The following SPDYE4 variants were observed in gnomAD, a reference collection of about 807,000 sequenced individuals.
SPDYE4 encodes speedy protein E4.
In SPDYE4, 30 loss-of-function variants were observed where a neutral mutation model predicts 37.5. The observed-to-expected ratio is 0.80, with a 90% CI of 0.60 to 1.09. SPDYE4 has a LOEUF of 1.09. Among genes scored for constraint, SPDYE4 ranks in the 50% least tolerant of loss-of-function variants. The probability of loss-of-function intolerance (pLI) is 0.00; values close to 1 mark genes in which losing one functional copy is unlikely to be tolerated. For synonymous variants in SPDYE4, 131 were observed against 120.3 expected (o/e 1.09, Z -0.58); for missense variants, 300 against 307.9 (o/e 0.97, Z 0.19).
Position 8,758,342 on chromosome 17 carries a change from C to G in SPDYE4, c.41G>C (p.Ser14Thr). The G allele has an allele frequency of 6.4e-7, 1 of 1,551,532 alleles. No homozygotes were observed. The highest frequency in any genetic ancestry group is 2.4e-5 in the East Asian group (1 of 40,898). The change falls in exon 1 of 7, where the codon AGC (serine) becomes ACC (threonine). Residue 14 changes from serine to threonine, a missense_variant. Physicochemically the swap from Ser to Thr is moderately conservative, Grantham distance 58. Coordinates refer to ENST00000689094, the MANE Select transcript of SPDYE4 (RefSeq NM_001394956.1). ...CCGTACCGTTGTGCTAGGCTGGGGG[C>G]TCTCCTCCTCAAACGGGGGGCGCGC... ...GQARPPFEEE[S>T]PQPSTTVRSP...
At chr17:8,756,461 G>A in intron 2 of SPDYE4, 25 bp from the exon 3 acceptor site, 1 of 1,611,834 alleles carries the variant, frequency 6.2e-7, no homozygotes, top group Non-Finnish European at 8.5e-7. Context: ...CCTGTGTCAG[G>A]GTGAGAAGTG....
At chr17:8,752,991 T>G in intron 6 of SPDYE4, 103 bp downstream of exon 6, 1 of 1,026,222 alleles carries the variant, frequency 9.7e-7, no homozygotes, top group South Asian at 1.5e-5. Flanking sequence ...AGACGGGGTG[T>G]CGCCATGTTG....
At chr17:8,748,817 T>C (rs2151143181), downstream of SPDYE4, among the ~76,000 whole-genome samples, 1 of 152,358 alleles carries the variant, frequency 6.6e-6, no homozygotes, top group African/African-American at 2.4e-5. Context: ...CTACTCATCC[T>C]AATACTTTTG....
At chr17:8,749,249 C>T (rs1447244767), downstream of SPDYE4, among the ~76,000 whole-genome samples, 2 of 142,872 alleles carry the variant, frequency 1.4e-5, no homozygotes, top group African/African-American at 5.1e-5. Flanking sequence ...TGCACCACCA[C>T]ACCTGGCTAA....
At chr17:8,749,170 G>T (rs2086710110), downstream of SPDYE4, among the ~76,000 whole-genome samples, 1 of 148,774 alleles carries the variant, frequency 6.7e-6, no homozygotes, top group African/African-American at 2.5e-5. Context: ...CACGGCTCAT[G>T]CAGCCTCGAC....
chr17:8,752,787 C>T lies in SPDYE4; in HGVS notation c.*44+307G>A, dbSNP rs116219431. On this transcript the variant is annotated intron_variant, in intron 6 of 6. Transcript: ENST00000689094. ...AAGTGTATCAACCATAATGAACCTC[C>T]CTGGACCTAGGTAGTATTCTCATTT... Among the ~76,000 whole-genome samples the T allele has an allele frequency of 2.9e-3, 439 of 152,196 alleles. 2 individuals are homozygous for T. The highest frequency in any genetic ancestry group is 9.6e-3 in the African/African-American group (399 of 41,530).
chr17:8,753,121 T>C lies in SPDYE4; in HGVS notation c.*17A>G. ...TCCCTCAGGCCGATGACCTCAGGCC[T>C]CCATGTCCCCGGAGCTCTAGGAAAT... is the stretch of plus-strand genomic sequence containing the variant. On this transcript the variant is annotated 3_prime_UTR_variant, in exon 6 of 7. Transcript: ENST00000689094. 1 of 1,613,930 alleles carries C rather than the reference T, an allele frequency of 6.2e-7. No individual in the cohort carries two copies.
chr17:8,755,047 A>G (rs1370871074), intron 4 of SPDYE4, among the ~76,000 whole-genome samples: 1 of 152,210 alleles, frequency 6.6e-6, no homozygotes, highest in East Asian at 1.9e-4. Context: ...TTGGAAAGCT[A>G]TTCAGGCAGC....
At chr17:8,753,273 T>TCCCCCCC in intron 5 of SPDYE4, 48 bp downstream of exon 5, 1 of 1,556,546 alleles carries the variant, frequency 6.4e-7, no homozygotes. Context: ...CAGCCTCCAG[T>TCCCCCCC]CCACCCCATC....
intron 2 of SPDYE4, 33 bp downstream of exon 2, chr17:8,757,229 G>C: frequency 4.5e-6 from 7 of 1,568,040 alleles, no homozygotes; most frequent in Non-Finnish European, 5.2e-6. Flanking sequence ...TAAAAGAACA[G>C]GGTTGGAGGT....
rs1208519516 is a variant in SPDYE4 at position 8,755,537 on chromosome 17, A to T, written c.468T>A (p.Ile156=). 6.2e-7 allele frequency: 1 copy of T among 1,611,700 alleles called. No individual in the cohort carries two copies. The highest frequency in any genetic ancestry group is 1.1e-5 in the South Asian group (1 of 91,012). ...AGLFSWQYQR[I]HFFLALYLAS... The stretch of plus-strand genomic sequence containing the variant: ...CTACTCACAGAGCCAGGAAGAAATG[A>T]ATGCGTTGGTATTGCCACGAGAAGA... The change falls in exon 4 of 7, where the codon ATT becomes ATA. Residue 156 remains isoleucine, a synonymous_variant. Transcript: ENST00000689094.
In SPDYE4 at chr17:8,751,698, A is replaced by G. The variant is rs2086729525; in HGVS notation, c.*584T>C. Reference sequence around the variant, plus strand: ...TATATAACAACCGTCAGAGAACTCTATAGGAACAGCATGTTTTCAAAACTA... The same window carrying G: ...TATATAACAACCGTCAGAGAACTCTGTAGGAACAGCATGTTTTCAAAACTA... On this transcript the variant is annotated 3_prime_UTR_variant, in exon 7 of 7. Coordinates refer to ENST00000689094, the MANE Select transcript of SPDYE4 (RefSeq NM_001394956.1). 1.3e-5 allele frequency among the ~76,000 whole-genome samples: 2 copies of G among 152,258 alleles called. No homozygotes were observed. Among genetic ancestry groups the G allele is most frequent in the African/African-American group, 4.8e-5 (2 of 41,472 alleles).
At chr17:8,754,750 T>C (rs562602414) in intron 4 of SPDYE4, among the ~76,000 whole-genome samples, 1 of 152,242 alleles carries the variant, frequency 6.6e-6, no homozygotes, top group African/African-American at 2.4e-5. Context: ...AGGGGAGGCA[T>C]TGCAAAGGCT....
Position 8,753,628 on chromosome 17 carries a change from T to A in SPDYE4, c.486-139A>T, listed in dbSNP as rs568773370. The A allele has an allele frequency of 1.1e-5, 11 of 994,986 alleles. No homozygotes were observed. In the South Asian group the frequency reaches 1.7e-4, roughly 15 times the overall value. The allele number at this position is 994,986 out of a possible 1,614,324, so 61.6% of individuals were successfully genotyped here. Reference sequence around the variant, plus strand: ...CGCCCTGCAGAGAGCCCTGCCTTCCTCAGGAGGCCCCGCTGGACAGAGACC... The same window carrying A: ...CGCCCTGCAGAGAGCCCTGCCTTCCACAGGAGGCCCCGCTGGACAGAGACC... On this transcript the variant is annotated intron_variant, in intron 4 of 6. Coordinates refer to ENST00000689094, the MANE Select transcript of SPDYE4 (RefSeq NM_001394956.1).
chr17:8,757,609 T>C, intron 1 of SPDYE4, 117 bp from the exon 2 acceptor site: 1 of 1,045,040 alleles, frequency 9.6e-7, no homozygotes. Context: ...ACTGTCAGCT[T>C]CTCCAAGCCA....
In SPDYE4 at chr17:8,757,290, C is replaced by A; in HGVS notation, c.312G>T (p.Glu104Asp). The A allele has an allele frequency of 6.2e-7, 1 of 1,606,008 alleles. No homozygotes were observed. Among genetic ancestry groups the A allele is most frequent in the Non-Finnish European group, 8.5e-7 (1 of 1,176,078 alleles). The change falls in exon 2 of 7, where the codon GAG (glutamate) becomes GAT (aspartate). Residue 104 changes from glutamate (E) to aspartate (D), a missense_variant. Glu to Asp is a conservative substitution (Grantham distance 45). Transcript: ENST00000689094. Reference sequence around the variant, plus strand: ...GGAGCCTGTTGAAGGCCTCGTGGTGCTCAGGGAGCACGGAGGATGCTCGCT... The same window carrying A: ...GGAGCCTGTTGAAGGCCTCGTGGTGATCAGGGAGCACGGAGGATGCTCGCT... ...KRKRASSVLP[E>D]HHEAFNRLLG...
chr17:8,756,009 A>T (rs552950565), intron 3 of SPDYE4, among the ~76,000 whole-genome samples: 199 of 152,286 alleles, frequency 1.3e-3, no homozygotes, highest in Middle Eastern at 3.4e-3. Flanking sequence ...CCACCCATCA[A>T]CTATGCAACA....
At chr17:8,749,941 G>C (rs140526888), downstream of SPDYE4, among the ~76,000 whole-genome samples, 2 of 152,306 alleles carry the variant, frequency 1.3e-5, no homozygotes, top group Non-Finnish European at 2.9e-5. Context: ...TCTAGGCTCA[G>C]CCATGCTTGT....
chr17:8,755,542 G>A lies in SPDYE4; in HGVS notation c.463C>T (p.Arg155Cys), dbSNP rs755633005. The change falls in exon 4 of 7, where the codon CGC becomes TGC. Residue 155 changes from arginine (R) to cysteine (C), a missense_variant. Transcript: ENST00000689094. ...CACAGAGCCAGGAAGAAATGAATGCGTTGGTATTGCCACGAGAAGAGGCCG... is the reference window on the plus strand; with the variant it reads ...CACAGAGCCAGGAAGAAATGAATGCATTGGTATTGCCACGAGAAGAGGCCG... ...RAGLFSWQYQ[R>C]IHFFLALYLA... The A allele has an allele frequency of 5.9e-5, 95 of 1,611,774 alleles. No individual in the cohort carries two copies. Among genetic ancestry groups the A allele is most frequent in the Non-Finnish European group, 7.1e-5 (84 of 1,179,548 alleles).
Sources: allele counts gnomAD v4.1 joint callset (sites outside exome capture counted in the v4.1 genomes callset), GRCh38; gene constraint gnomAD v4.1.1; transcripts MANE v1.5; gene names NCBI Gene and HGNC (gene_info 2026-07-23, HGNC 2026-07-21).